Variants in CELF2 observed in about 807,000 individuals in gnomAD.
CELF2 encodes the protein CUG triplet repeat RNA-binding protein 2.
A neutral mutation model predicts 62.6 loss-of-function variants in CELF2; 8 were observed. The ratio of observed to expected loss-of-function variants is 0.13; its 90% confidence interval spans 0.07 to 0.23. CELF2 has a LOEUF of 0.23. Ranked by LOEUF, CELF2 falls within the 10% of genes least tolerant of loss-of-function variation. CELF2 has a pLI of 1.00. For synonymous variants in CELF2, 258 were observed against 250.0 expected (o/e 1.03, Z -0.30); for missense variants, 333 against 671.0 (o/e 0.50, Z 5.56).
intron 1 of CELF2, among the ~76,000 whole-genome samples, chr10:10,799,593 C>G (rs2054443294): frequency 6.6e-6 from 1 of 150,768 alleles, no homozygotes. Flanking sequence ...GACCTCTCCC[C>G]TACCCCCACC....
the CELF2 span, among the ~76,000 whole-genome samples, chr10:10,587,760 T>C: frequency 6.6e-6 from 1 of 152,172 alleles, no homozygotes; most frequent in Non-Finnish European, 1.5e-5. Context: ...TGCTCTTTGT[T>C]TGAATTCCCC....
intron 1 of CELF2, among the ~76,000 whole-genome samples, chr10:11,028,280 C>T (rs1452187436): frequency 2.0e-5 from 3 of 152,150 alleles, no homozygotes; most frequent in Admixed American, 2.0e-4. Context: ...TCTGAAAAGC[C>T]CTTCTCTACA....
At chr10:10,980,909 C>T (rs561580945) in intron 2 of CELF2, among the ~76,000 whole-genome samples, 1 of 152,326 alleles carries the variant, frequency 6.6e-6, no homozygotes, top group African/African-American at 2.4e-5. Flanking sequence ...GCATGAGCCA[C>T]CACACACAGC....
At chr10:10,943,473 A>G (rs148586572) in intron 2 of CELF2, among the ~76,000 whole-genome samples, 7 of 152,320 alleles carry the variant, frequency 4.6e-5, no homozygotes, top group African/African-American at 1.4e-4. Context: ...TAGGGAATCA[A>G]AGTCTTATGA....
At position 11,036,766 on chromosome 10, in the gene CELF2, G is replaced by A. The variant is rs778578008; in HGVS notation, c.74+18603G>A. On this transcript the variant is annotated intron_variant, in intron 1 of 12. Coordinates refer to ENST00000633077, the MANE Select transcript of CELF2 (RefSeq NM_001326342.2). ...ACAGATAGGCTTGTGCCTCATGGGCGGCTGAGGGAGGAAGCATCAGTATGG... is the reference window on the plus strand; with the variant it reads ...ACAGATAGGCTTGTGCCTCATGGGCAGCTGAGGGAGGAAGCATCAGTATGG... Among the ~76,000 whole-genome samples, 80 of 152,200 alleles carry A rather than the reference G, an allele frequency of 5.3e-4. 1 individual carries two copies. Among genetic ancestry groups the A allele is most frequent in the Non-Finnish European group, 8.2e-4 (56 of 68,038 alleles).
the CELF2 span, among the ~76,000 whole-genome samples, chr10:10,650,947 C>T: frequency 6.6e-6 from 1 of 151,998 alleles, no homozygotes; most frequent in Admixed American, 6.5e-5. Flanking sequence ...TTCTGCATTT[C>T]CATCTGAGGT....
At chr10:10,822,965 A>G (rs2057088245) in intron 1 of CELF2, among the ~76,000 whole-genome samples, 1 of 152,228 alleles carries the variant, frequency 6.6e-6, no homozygotes, top group Non-Finnish European at 1.5e-5. Flanking sequence ...GCAAGGTTAA[A>G]TTCATTAGAT....
chr10:11,261,950 C>G (rs2138110647), intron 5 of CELF2, among the ~76,000 whole-genome samples: 1 of 152,340 alleles, frequency 6.6e-6, no homozygotes, highest in Middle Eastern at 3.4e-3. Context: ...TACCCACAAT[C>G]CCACAGTCAG....
intron 2 of CELF2, among the ~76,000 whole-genome samples, chr10:10,973,455 C>A (rs1015295478): frequency 6.6e-6 from 1 of 152,160 alleles, no homozygotes; most frequent in African/African-American, 2.4e-5. Flanking sequence ...CACGCCCACC[C>A]ATGCCAGGTT....
chr10:10,495,029 C>T, the CELF2 span, among the ~76,000 whole-genome samples: 1 of 152,134 alleles, frequency 6.6e-6, no homozygotes, highest in Non-Finnish European at 1.5e-5. Context: ...GCAATCCCAG[C>T]ACTTTGGGAG....
In CELF2 at chr10:11,025,128, G is replaced by A. The variant is rs554632956; in HGVS notation, c.74+6965G>A. Reference sequence around the variant, plus strand: ...ACAAAGACAATCAGTTGGTCTTTTAGGCTAAAAGAGTAAAGTATTTTGTCA... The same window carrying A: ...ACAAAGACAATCAGTTGGTCTTTTAAGCTAAAAGAGTAAAGTATTTTGTCA... On this transcript the variant is annotated intron_variant, in intron 1 of 12. Coordinates refer to ENST00000633077, the MANE Select transcript of CELF2 (RefSeq NM_001326342.2). 6.6e-5 allele frequency among the ~76,000 whole-genome samples: 10 copies of A among 152,092 alleles called. No homozygotes were observed. The South Asian group carries it at 1.7e-3, about 25-fold the overall frequency.
chr10:11,181,062 G>A (rs879152012), intron 2 of CELF2, among the ~76,000 whole-genome samples: 1 of 152,158 alleles, frequency 6.6e-6, no homozygotes, highest in African/African-American at 2.4e-5. Context: ...TAGAGGTGGG[G>A]TTTTGCCATG....
At chr10:11,029,995 A>G (rs1412878257) in intron 1 of CELF2, among the ~76,000 whole-genome samples, 2 of 152,072 alleles carry the variant, frequency 1.3e-5, no homozygotes, top group East Asian at 1.9e-4. Context: ...AGGATGTGCT[A>G]CTTTTGTTCC....
At chr10:10,521,290 A>T in the CELF2 span, among the ~76,000 whole-genome samples, 1 of 152,200 alleles carries the variant, frequency 6.6e-6, no homozygotes, top group African/African-American at 2.4e-5. Flanking sequence ...ACCATATTCC[A>T]AAACAGAGCC....
intron 4 of CELF2, among the ~76,000 whole-genome samples, 172 bp downstream of exon 4, chr10:11,249,373 C>G (rs368475052): frequency 2.6e-5 from 4 of 152,320 alleles, no homozygotes; most frequent in African/African-American, 9.6e-5. Flanking sequence ...ACTCGCCACT[C>G]TCCTCTCTCC....
the CELF2 span, among the ~76,000 whole-genome samples, chr10:10,653,015 G>C: frequency 1.3e-5 from 2 of 152,224 alleles, no homozygotes; most frequent in African/African-American, 4.8e-5. Context: ...TAAAAGGATG[G>C]AGGAAGATCT....
Position 10,806,307 on chromosome 10 carries a change from C to T in CELF2, c.53+7490C>T, listed in dbSNP as rs140999292. On this transcript the variant is annotated intron_variant, in intron 1 of 13. Coordinates refer to the CELF2 transcript ENST00000636488. ...GCAACCTCTTACTCCCTGGTTCAAG[C>T]GATTCTCCTGCCTCAGCCTCCTGAG... Among the ~76,000 whole-genome samples the T allele has an allele frequency of 2.5e-3, 380 of 151,086 alleles. 1 individual carries two copies. Among genetic ancestry groups the T allele is most frequent in the Middle Eastern group, 3.4e-3 (1 of 292 alleles).
At chr10:11,273,842 C>A (rs1425537662) in intron 7 of CELF2, among the ~76,000 whole-genome samples, 1 of 152,050 alleles carries the variant, frequency 6.6e-6, no homozygotes, top group Non-Finnish European at 1.5e-5. Flanking sequence ...ATGCCTCAGC[C>A]TCCTAAGAAG....
chr10:10,748,681 G>A, the CELF2 span, among the ~76,000 whole-genome samples: 91 of 134,138 alleles, frequency 6.8e-4, no homozygotes, highest in East Asian at 0.02. Flanking sequence ...CCAGAAGGCA[G>A]AACTGGCAGT....
Sources: allele counts gnomAD v4.1 joint callset (sites outside exome capture counted in the v4.1 genomes callset), GRCh38; gene constraint gnomAD v4.1.1; transcripts MANE v1.5; gene names NCBI Gene and HGNC (gene_info 2026-07-23, HGNC 2026-07-21).